IPO5: variants seen among roughly 807,000 people sequenced by gnomAD.
IPO5 encodes the protein importin-5.
IPO5 carries 18 observed loss-of-function variants against 143.3 expected under a neutral mutation model. The ratio of observed to expected loss-of-function variants is 0.13; its 90% CI spans 0.09 to 0.19. IPO5 has a LOEUF of 0.19. IPO5 is among the 10% of genes least tolerant of loss of function. The pLI is 1.00. For synonymous variants in IPO5, 477 were observed against 465.7 expected, an observed-to-expected ratio of 1.02 and a Z score of -0.31; for missense variants, 1,013 against 1,336.9, an observed-to-expected ratio of 0.76 and a Z score of 3.78.
At chr13:97,972,881 CA>C (rs1315987833) in intron 3 of IPO5, among the ~76,000 whole-genome samples, 1 of 152,002 alleles carries the variant, frequency 6.6e-6, no homozygotes, top group Non-Finnish European at 1.5e-5. Flanking sequence ...ATTAAGCACT[CA>C]AGGTTACACA....
intron 21 of IPO5, among the ~76,000 whole-genome samples, chr13:98,013,461 C>T (rs1222717643): frequency 6.6e-6 from 1 of 152,142 alleles, no homozygotes; most frequent in Admixed American, 6.6e-5. Flanking sequence ...GCCCGTTTGT[C>T]ATCATTCCTT....
intron 6 of IPO5, 90 bp downstream of exon 6, chr13:97,985,703 A>G (rs1056204887): frequency 1.4e-5 from 12 of 851,276 alleles, no homozygotes; most frequent in Middle Eastern, 3.2e-4. Context: ...AGTAAGATTC[A>G]TAAGTACCTG....
In IPO5 at chr13:98,015,688, T is replaced by C. The variant is rs374246555; in HGVS notation, c.2438-38T>C. 26 of 1,586,824 alleles carry C rather than the reference T, an allele frequency of 1.6e-5. No individual in the cohort carries two copies. The African/African-American group carries it at 3.1e-4, about 19-fold the overall frequency. ...TTCTGAATATAATCCTTGACCATCT[T>C]GGCAATCATTTAAAACATTTATTTG... On this transcript the variant is annotated intron_variant, in intron 23 of 28. Coordinates refer to ENST00000651721, the MANE Select transcript of IPO5 (RefSeq NM_002271.6).
At chr13:97,999,188 C>A (rs1359264836) in intron 12 of IPO5, among the ~76,000 whole-genome samples, 1 of 152,030 alleles carries the variant, frequency 6.6e-6, no homozygotes, top group African/African-American at 2.4e-5. Context: ...GACTTGGAGT[C>A]AGTATAAACT....
intron 6 of IPO5, chr13:97,987,362 A>G (rs1428787316): frequency 2.0e-5 from 3 of 151,888 alleles, no homozygotes; most frequent in Non-Finnish European, 2.9e-5. Flanking sequence ...GGAGATTACT[A>G]TTGATTGAGC....
At chr13:97,994,066 G>A (rs1594084613) in intron 11 of IPO5, among the ~76,000 whole-genome samples, 2 of 152,200 alleles carry the variant, frequency 1.3e-5, no homozygotes, top group Admixed American at 1.3e-4. Flanking sequence ...CAACACTTTG[G>A]GAGGCCGAGG....
chr13:97,988,026 T>TAATGTCATGACA (rs1887517166), intron 6 of IPO5: 1 of 288,140 alleles, frequency 3.5e-6, no homozygotes. Flanking sequence ...TAATGTCAGC[T>TAATGTCATGACA]TAGCAGCACA....
Position 97,990,133 on chromosome 13 carries a change from C to A in IPO5, c.475C>A (p.Pro159Thr). Reference protein sequence around the residue: ...EAALHIFWNFPGIFGNQQQHY... With the variant: ...EAALHIFWNFTGIFGNQQQHY... Reference sequence around the variant, plus strand: ...GTTTGGATTATCTTTTAGGAACTTTCCTGGAATTTTTGGGAACCAGCAACA... The same window carrying A: ...GTTTGGATTATCTTTTAGGAACTTTACTGGAATTTTTGGGAACCAGCAACA... The change falls in exon 8 of 29, where the codon CCT (proline) becomes ACT (threonine). Residue 159 changes from proline (P) to threonine (T), a missense_variant. Physicochemically the swap from Pro to Thr is conservative, Grantham distance 38. This residue lies in a region of IPO5 where 328 missense variants were observed against 342.0 expected (regional missense o/e 0.96). Coordinates refer to ENST00000651721, the MANE Select transcript of IPO5 (RefSeq NM_002271.6). 2 of 1,601,902 alleles carry A rather than the reference C, an allele frequency of 1.2e-6. No homozygotes were observed. The highest frequency in any genetic ancestry group is 2.2e-5 in the East Asian group (1 of 44,764).
intron 22 of IPO5, among the ~76,000 whole-genome samples, chr13:98,014,834 TTC>T (rs79768125): frequency 0.11 from 15,896 of 150,012 alleles, 2,155 homozygotes; most frequent in African/African-American, 0.32. Context: ...TCCTCAATTC[TTC>T]TCTTTTTTTT....
At chr13:97,997,655 C>T (rs1888409665) in intron 12 of IPO5, 37 bp downstream of exon 12, 2 of 1,325,184 alleles carry the variant, frequency 1.5e-6, no homozygotes, top group Non-Finnish European at 2.2e-6. Context: ...CAGTGAAAGC[C>T]CTAGGGCTCC....
intron 3 of IPO5, among the ~76,000 whole-genome samples, chr13:97,976,195 G>A (rs1050936391): frequency 6.6e-6 from 1 of 151,490 alleles, no homozygotes; most frequent in African/African-American, 2.4e-5. Context: ...CCCCGGCCAG[G>A]CCTCAGGCCC....
intron 3 of IPO5, among the ~76,000 whole-genome samples, chr13:97,971,110 G>T (rs913870791): frequency 1.3e-5 from 2 of 152,204 alleles, no homozygotes; most frequent in Admixed American, 6.5e-5. Context: ...CACATTGGCC[G>T]GCTCTGGAGC....
chr13:98,021,408 G>GAA, intron 28 of IPO5: 12 of 335,484 alleles, frequency 3.6e-5, no homozygotes, highest in East Asian at 4.7e-5. Context: ...CCTATCTTAA[G>GAA]AAAAAAAAAC....
chr13:97,966,133 C>CAAAAA (rs34256210), intron 2 of IPO5, among the ~76,000 whole-genome samples: 6 of 89,284 alleles, frequency 6.7e-5, no homozygotes, highest in African/African-American at 9.8e-5. Flanking sequence ...GGCCCCCTCT[C>CAAAAA]AAAAAAAAAA....
chr13:97,959,460 T>C (rs556387859), intron 2 of IPO5, among the ~76,000 whole-genome samples: 1 of 152,168 alleles, frequency 6.6e-6, no homozygotes, highest in East Asian at 1.9e-4. Flanking sequence ...CAGGGCACGG[T>C]GGCTCACGCC....
chr13:97,965,157 A>G (rs946655012), intron 2 of IPO5, among the ~76,000 whole-genome samples: 1 of 152,170 alleles, frequency 6.6e-6, no homozygotes, highest in Non-Finnish European at 1.5e-5. Flanking sequence ...ACATGGACAC[A>G]GGAAGGGGAA....
chr13:98,002,435 AT>A, intron 13 of IPO5, 31 bp from the exon 14 acceptor site: 1 of 1,608,202 alleles, frequency 6.2e-7, no homozygotes. Flanking sequence ...ATAGTGTGTA[AT>A]TGCTATTCCA....
chr13:97,978,532 A>C (rs1376739818), intron 4 of IPO5, among the ~76,000 whole-genome samples: 1 of 152,156 alleles, frequency 6.6e-6, no homozygotes, highest in East Asian at 1.9e-4. Flanking sequence ...AGTGATATGC[A>C]TGTATTGCAC....
chr13:97,966,135 A>AC (rs1885319050), intron 2 of IPO5, among the ~76,000 whole-genome samples: 1 of 53,170 alleles, frequency 1.9e-5, no homozygotes, highest in South Asian at 1.1e-3. Context: ...CCCCCTCTCA[A>AC]AAAAAAAAAA....
Sources: allele counts gnomAD v4.1 joint callset (sites outside exome capture counted in the v4.1 genomes callset), GRCh38; gene constraint gnomAD v4.1.1; regional missense constraint gnomAD v4.1.1; transcripts MANE v1.5; gene names NCBI Gene and HGNC (gene_info 2026-07-23, HGNC 2026-07-21).